FLT1: variants seen among roughly 807,000 people sequenced by gnomAD.
FLT1 encodes vascular endothelial growth factor receptor 1.
FLT1 carries 49 observed loss-of-function variants against 156.3 expected under a neutral mutation model. That is an observed-to-expected ratio of 0.31 (90% CI 0.25 to 0.40). The LOEUF (loss-of-function observed/expected upper bound fraction) is 0.40, where lower values mean the gene tolerates loss of function less well. Among genes scored for constraint, FLT1 ranks in the 10% least tolerant of loss-of-function variants. FLT1 has a pLI of 1.00. For missense variants in FLT1, 1,322 were observed against 1,637.2 expected, an observed-to-expected ratio of 0.81 and a Z score of 3.32; for synonymous variants, 594 against 583.8, an observed-to-expected ratio of 1.02 and a Z score of -0.25.
intron 13 of FLT1, chr13:28,385,469 T>G: frequency 1.0e-6 from 1 of 1,001,140 alleles, no homozygotes; most frequent in Non-Finnish European, 1.2e-6. Context: ...GAGTTTTGAT[T>G]GATGTATTTG....
Position 28,370,239 on chromosome 13 carries a change from G to C in FLT1, c.2117-12554C>G, listed in dbSNP as rs113607576. On this transcript the variant is annotated intron_variant, in intron 14 of 29. Coordinates refer to ENST00000282397, the MANE Select transcript of FLT1 (RefSeq NM_002019.4). ...TCTTCTCACTGTAACCTCTGAATAA[G>C]GGAAACACCATAGACAAAGGTCCTT... is the stretch of plus-strand genomic sequence containing the variant. 5.3e-3 allele frequency among the ~76,000 whole-genome samples: 811 copies of C among 151,946 alleles called. 12 individuals are homozygous for C. The highest frequency in any genetic ancestry group is 0.018 in the African/African-American group (751 of 41,460).
chr13:28,339,986 G>A (rs1872268937), intron 16 of FLT1, among the ~76,000 whole-genome samples: 1 of 152,158 alleles, frequency 6.6e-6, no homozygotes, highest in Non-Finnish European at 1.5e-5. Flanking sequence ...AGGCTGAGGT[G>A]GGTGGATCAC....
intron 4 of FLT1, among the ~76,000 whole-genome samples, chr13:28,436,162 C>T (rs1878011804): frequency 6.6e-6 from 1 of 152,184 alleles, no homozygotes; most frequent in African/African-American, 2.4e-5. Flanking sequence ...CAGTCAAAGA[C>T]TGTAGCCCAT....
intron 3 of FLT1, among the ~76,000 whole-genome samples, chr13:28,454,977 T>C (rs1223305642): frequency 6.6e-6 from 1 of 152,160 alleles, no homozygotes; most frequent in Non-Finnish European, 1.5e-5. Flanking sequence ...TGAGGAAAAC[T>C]ACAAAACTAT....
At chr13:28,404,943 C>A (rs1178151504) in intron 11 of FLT1, among the ~76,000 whole-genome samples, 1 of 151,300 alleles carries the variant, frequency 6.6e-6, no homozygotes, top group Non-Finnish European at 1.5e-5. Context: ...TCACTTGAAT[C>A]CAGGAGGCAG....
chr13:28,350,695 C>G (rs3794402), intron 15 of FLT1, among the ~76,000 whole-genome samples: 129,624 of 151,998 alleles, frequency 0.85, 56,944 homozygotes, highest in East Asian at 0.96. Context: ...ACCAGAGCAC[C>G]TTGTCCCAGG....
intron 1 of FLT1, among the ~76,000 whole-genome samples, chr13:28,471,534 G>A (rs570139184): frequency 2.0e-5 from 3 of 152,206 alleles, no homozygotes; most frequent in African/African-American, 7.2e-5. Flanking sequence ...TCTTATTAGT[G>A]ATTTATATAA....
chr13:28,305,265 C>T (rs1870694975), intron 29 of FLT1, among the ~76,000 whole-genome samples: 1 of 152,084 alleles, frequency 6.6e-6, no homozygotes, highest in Admixed American at 6.6e-5. Context: ...CCTCTGTCAC[C>T]CAGGCTAGAG....
At chr13:28,419,793 C>G (rs1197554146) in intron 10 of FLT1, among the ~76,000 whole-genome samples, 1 of 152,188 alleles carries the variant, frequency 6.6e-6, no homozygotes, top group Non-Finnish European at 1.5e-5. Flanking sequence ...GCAGGAGAAT[C>G]ACTTGAACCC....
intron 12 of FLT1, among the ~76,000 whole-genome samples, chr13:28,394,385 A>G (rs1020288577): frequency 6.6e-6 from 1 of 152,138 alleles, no homozygotes; most frequent in Non-Finnish European, 1.5e-5. Context: ...GATCTAGAAG[A>G]GGTTTCCACC....
At chr13:28,415,317 T>C (rs947990705) in intron 10 of FLT1, among the ~76,000 whole-genome samples, 2 of 152,008 alleles carry the variant, frequency 1.3e-5, no homozygotes, top group African/African-American at 4.8e-5. Flanking sequence ...CTGTCTCTAC[T>C]AAAAATACAA....
At chr13:28,304,112 C>A (rs1352863049) in intron 29 of FLT1, among the ~76,000 whole-genome samples, 4 of 152,108 alleles carry the variant, frequency 2.6e-5, no homozygotes, top group East Asian at 1.9e-4. Context: ...TTGTTTTAGA[C>A]CGGTCTGGAC....
intron 2 of FLT1, 115 bp from the exon 3 acceptor site, chr13:28,467,244 C>T: frequency 1.2e-6 from 1 of 825,652 alleles, no homozygotes; most frequent in Non-Finnish European, 2.1e-6. Context: ...GTGTAGTCAT[C>T]TTCCTCTTTA....
intron 10 of FLT1, among the ~76,000 whole-genome samples, chr13:28,421,999 G>T (rs1401015303): frequency 6.6e-6 from 1 of 152,192 alleles, no homozygotes; most frequent in East Asian, 1.9e-4. Context: ...ATATTTTACA[G>T]ATACATATAT....
intron 3 of FLT1, among the ~76,000 whole-genome samples, chr13:28,453,841 G>A (rs1044657133): frequency 5.4e-4 from 82 of 152,120 alleles, no homozygotes; most frequent in African/African-American, 1.9e-3. Flanking sequence ...CCCTGTGCTG[G>A]GTCCTGGGGC....
At chr13:28,412,450 C>T (rs1194524476) in intron 10 of FLT1, among the ~76,000 whole-genome samples, 2 of 148,360 alleles carry the variant, frequency 1.3e-5, no homozygotes, top group African/African-American at 2.5e-5. Context: ...GAGACGGGGT[C>T]TCACTGTGTT....
intron 12 of FLT1, among the ~76,000 whole-genome samples, chr13:28,394,313 A>T (rs536505463): frequency 6.6e-5 from 10 of 152,326 alleles, no homozygotes; most frequent in Admixed American, 2.0e-4. Context: ...AGAGGAAAAG[A>T]ACTGTGAGCT....
intron 18 of FLT1, among the ~76,000 whole-genome samples, chr13:28,330,685 T>C (rs1871893190): frequency 6.7e-6 from 1 of 150,366 alleles, no homozygotes; most frequent in Non-Finnish European, 1.5e-5. Flanking sequence ...ATCAGAGACT[T>C]TTTCTCTTCT....
intron 28 of FLT1, among the ~76,000 whole-genome samples, chr13:28,307,805 G>A (rs1870815031): frequency 6.2e-5 from 1 of 16,196 alleles, no homozygotes; most frequent in East Asian, 5.6e-3. Flanking sequence ...GTCCAGCTCT[G>A]TCGCCCAGGC....
Sources: allele counts gnomAD v4.1 joint callset (sites outside exome capture counted in the v4.1 genomes callset), GRCh38; gene constraint gnomAD v4.1.1; transcripts MANE v1.5; gene names NCBI Gene and HGNC (gene_info 2026-07-23, HGNC 2026-07-21).